PSMA8: variants seen among roughly 807,000 people sequenced by gnomAD.
PSMA8 encodes the protein proteasome 20S subunit alpha 8.
PSMA8 carries 18 observed loss-of-function variants against 32.4 expected under a neutral mutation model. The ratio of observed to expected loss-of-function variants is 0.56; its 90% CI spans 0.38 to 0.82. The LOEUF (loss-of-function observed/expected upper bound fraction) is 0.82, where lower values mean the gene tolerates loss of function less well. Among genes scored for constraint, PSMA8 ranks in the 40% least tolerant of loss-of-function variants. The probability of loss-of-function intolerance (pLI) is 0.00; values close to 1 mark genes in which losing one functional copy is unlikely to be tolerated. For synonymous variants in PSMA8, 104 were observed against 98.1 expected (o/e 1.06, Z -0.36); for missense variants, 298 against 300.7 (o/e 0.99, Z 0.07).
At chr18:26,189,878 G>A (rs923001505) in intron 6 of PSMA8, among the ~76,000 whole-genome samples, 2 of 152,200 alleles carry the variant, frequency 1.3e-5, no homozygotes, top group Non-Finnish European at 2.9e-5. Context: ...CAATAGCCAA[G>A]ATTTGGAAGC....
chr18:26,159,146 T>TGACTTTA (rs2144308888), intron 4 of PSMA8, among the ~76,000 whole-genome samples: 1 of 152,338 alleles, frequency 6.6e-6, no homozygotes, highest in South Asian at 2.1e-4. Context: ...ATACCCAGAT[T>TGACTTTA]TTAAATAGTT....
intron 3 of PSMA8, among the ~76,000 whole-genome samples, chr18:26,157,229 AT>A (rs1239191377): frequency 3.9e-5 from 6 of 152,078 alleles, no homozygotes; most frequent in African/African-American, 7.2e-5. Flanking sequence ...CAGCCACAGA[AT>A]TATTTATAGT....
intron 1 of PSMA8, among the ~76,000 whole-genome samples, chr18:26,142,283 C>T (rs2054964912): frequency 6.6e-6 from 1 of 152,086 alleles, no homozygotes; most frequent in African/African-American, 2.4e-5. Flanking sequence ...TCGTGATCCA[C>T]CCACCTCGGC....
intron 4 of PSMA8, among the ~76,000 whole-genome samples, chr18:26,161,508 CA>C (rs1188695738): frequency 1.3e-5 from 2 of 152,180 alleles, no homozygotes; most frequent in Non-Finnish European, 2.9e-5. Flanking sequence ...GAACATAAGC[CA>C]ATTCCCCTAC....
chr18:26,190,733 G>A (rs2144366318), intron 6 of PSMA8, among the ~76,000 whole-genome samples: 1 of 152,322 alleles, frequency 6.6e-6, no homozygotes, highest in East Asian at 1.9e-4. Context: ...GTAGGCAGCA[G>A]AGCAAGACCC....
rs964578676 is a variant in PSMA8 at position 26,157,290 on chromosome 18, T to C, written c.355-832T>C. On this transcript the variant is annotated intron_variant, in intron 3 of 6. Coordinates refer to ENST00000415576, the MANE Select transcript of PSMA8 (RefSeq NM_001025096.2). ...TCCTTAGACCGGGCGCGGTGGCTCATACCTATAATCCCAGCACTTTGGGAG... is the reference window on the plus strand; with the variant it reads ...TCCTTAGACCGGGCGCGGTGGCTCACACCTATAATCCCAGCACTTTGGGAG... Among the ~76,000 whole-genome samples, 38 of 151,568 alleles carry C rather than the reference T, an allele frequency of 2.5e-4. 1 individual carries two copies. The highest frequency in any genetic ancestry group is 8.0e-4 in the African/African-American group (33 of 41,222).
intron 6 of PSMA8, 124 bp downstream of exon 6, chr18:26,179,254 A>G: frequency 1.7e-6 from 1 of 578,000 alleles, no homozygotes; most frequent in East Asian, 3.0e-5. Context: ...AATAACCTCC[A>G]CTCATTTCTG....
intron 1 of PSMA8, among the ~76,000 whole-genome samples, chr18:26,134,340 G>GGTGTGT (rs563053283): frequency 8.6e-4 from 116 of 135,192 alleles, no homozygotes; most frequent in East Asian, 3.8e-3. Context: ...TGTGTGTGTG[G>GGTGTGT]GTGTGTGTGT....
At chr18:26,160,364 C>A (rs1350573675) in intron 4 of PSMA8, among the ~76,000 whole-genome samples, 1 of 152,136 alleles carries the variant, frequency 6.6e-6, no homozygotes, top group African/African-American at 2.4e-5. Flanking sequence ...TCAAGATGTT[C>A]TATTTATTTC....
chr18:26,141,713 C>CTTTTTT (rs1011733993), intron 1 of PSMA8, among the ~76,000 whole-genome samples: 101 of 109,982 alleles, frequency 9.2e-4, no homozygotes, highest in Non-Finnish European at 1.2e-3. Flanking sequence ...TTTCTTTTTT[C>CTTTTTT]TTTTTTTTTT....
rs370769323 is a variant in PSMA8 at position 26,144,656 on chromosome 18, T to A, written c.200T>A (p.Leu67His). The A allele has an allele frequency of 1.2e-6, 2 of 1,613,844 alleles. No homozygotes were observed. The highest frequency in any genetic ancestry group is 2.7e-5 in the African/African-American group (2 of 74,926). The part of the protein sequence containing the change: ...DERTVRKICA[L>H]DDHVCMAFAG... ...AGAACTGTGAGGAAAATTTGTGCCC[T>A]TGATGACCATGTCTGCATGGCTTTT... Residue 67 changes from leucine (L) to histidine (H), a missense_variant, in exon 2 of 7, where the codon CTT becomes CAT. Coordinates refer to ENST00000415576, the MANE Select transcript of PSMA8 (RefSeq NM_001025096.2).
chr18:26,133,982 A>T lies in PSMA8; in HGVS notation c.17A>T (p.Asp6Val). The change falls in exon 1 of 7, where the codon GAC becomes GTC. Residue 6 changes from aspartate to valine, a missense_variant. Transcript: ENST00000415576. MASRY[D>V]RAITVFSPDG... Reference sequence around the variant, plus strand: ...TCCTGTGCGATGGCGTCTCGATATGACAGGGCGATCACTGTCTTCTCCCCA... The same window carrying T: ...TCCTGTGCGATGGCGTCTCGATATGTCAGGGCGATCACTGTCTTCTCCCCA... The T allele has an allele frequency of 6.2e-7, 1 of 1,613,984 alleles. No individual in the cohort carries two copies. Among genetic ancestry groups the T allele is most frequent in the Non-Finnish European group, 8.5e-7 (1 of 1,179,868 alleles).
intron 4 of PSMA8, 96 bp from the exon 5 acceptor site, chr18:26,178,734 A>T: frequency 9.5e-7 from 1 of 1,053,174 alleles, no homozygotes; most frequent in Non-Finnish European, 1.4e-6. Flanking sequence ...TTATTAAGGT[A>T]TACTGGAGTA....
chr18:26,170,588 G>A, intron 4 of PSMA8: 1 of 624,240 alleles, frequency 1.6e-6, no homozygotes, highest in Non-Finnish European at 2.6e-6. Flanking sequence ...ATAGAGACAA[G>A]AGTAGTGGGG....
At chr18:26,163,171 A>G (rs1214014549) in intron 4 of PSMA8, among the ~76,000 whole-genome samples, 6 of 146,754 alleles carry the variant, frequency 4.1e-5, no homozygotes, top group Non-Finnish European at 7.5e-5. Flanking sequence ...ATAAAAATCT[A>G]AATACAACAA....
chr18:26,140,084 G>C, intron 1 of PSMA8: 1 of 702,992 alleles, frequency 1.4e-6, no homozygotes, highest in Non-Finnish European at 2.6e-6. Flanking sequence ...TTGTGGCCTG[G>C]CATGGATGTC....
At chr18:26,167,673 T>C (rs2055191087) in intron 4 of PSMA8, among the ~76,000 whole-genome samples, 1 of 152,186 alleles carries the variant, frequency 6.6e-6, no homozygotes, top group Admixed American at 6.5e-5. Flanking sequence ...AACATGTATG[T>C]GTGCACACAA....
At chr18:26,176,912 G>A (rs758210246) in intron 4 of PSMA8, among the ~76,000 whole-genome samples, 5 of 152,032 alleles carry the variant, frequency 3.3e-5, no homozygotes, top group African/African-American at 7.2e-5. Flanking sequence ...CAGCCTGGGC[G>A]ACAGAGTGAG....
chr18:26,155,468 A>C lies in PSMA8; in HGVS notation c.355-2654A>C, dbSNP rs553206293. ...TTGTAAAAAGCAGACACATAGGCCGATGGAACAGAATAGAGAACCCAGAAA... is the reference window on the plus strand; with the variant it reads ...TTGTAAAAAGCAGACACATAGGCCGCTGGAACAGAATAGAGAACCCAGAAA... On this transcript the variant is annotated intron_variant, in intron 3 of 6. Coordinates refer to ENST00000415576, the MANE Select transcript of PSMA8 (RefSeq NM_001025096.2). Among the ~76,000 whole-genome samples the C allele has an allele frequency of 7.2e-4, 109 of 152,326 alleles. 1 individual carries two copies. Among genetic ancestry groups the C allele is most frequent in the African/African-American group, 2.5e-3 (105 of 41,584 alleles).
Sources: allele counts gnomAD v4.1 joint callset (sites outside exome capture counted in the v4.1 genomes callset), GRCh38; gene constraint gnomAD v4.1.1; transcripts MANE v1.5; gene names NCBI Gene and HGNC (gene_info 2026-07-23, HGNC 2026-07-21).